The following ENTPD4 variants were observed in gnomAD, a reference collection of about 807,000 sequenced individuals.
ENTPD4 encodes the protein Golgi UDPase.
A neutral mutation model predicts 79.1 loss-of-function variants in ENTPD4; 60 were observed. That is an observed-to-expected ratio of 0.76 (90% CI 0.62 to 0.94). The LOEUF is 0.94. Among genes scored for constraint, ENTPD4 ranks in the 40% least tolerant of loss-of-function variants. ENTPD4 has a pLI of 0.00. For missense variants in ENTPD4, 772 were observed against 775.1 expected, an observed-to-expected ratio of 1.00 and a Z score of 0.05; for synonymous variants, 276 against 292.0, an observed-to-expected ratio of 0.95 and a Z score of 0.56.
intron 1 of ENTPD4, among the ~76,000 whole-genome samples, chr8:23,456,239 T>C (rs1331875497): frequency 1.3e-5 from 2 of 152,180 alleles, no homozygotes; most frequent in African/African-American, 4.8e-5. Flanking sequence ...GTCTCTCTCT[T>C]CTCTCCCACA....
intron 4 of ENTPD4, among the ~76,000 whole-genome samples, chr8:23,447,175 A>G (rs142052886): frequency 6.6e-6 from 1 of 152,378 alleles, no homozygotes; most frequent in African/African-American, 2.4e-5. Context: ...ACTGGCTTAG[A>G]AATTACAGTA....
At chr8:23,456,149 T>A (rs1800953647) in intron 1 of ENTPD4, among the ~76,000 whole-genome samples, 1 of 152,226 alleles carries the variant, frequency 6.6e-6, no homozygotes, top group African/African-American at 2.4e-5. Flanking sequence ...AAACCTTTTA[T>A]CCATCAACTG....
chr8:23,442,787 T>C lies in ENTPD4; in HGVS notation c.668-721A>G, dbSNP rs538398963. 4.6e-5 allele frequency among the ~76,000 whole-genome samples: 7 copies of C among 152,336 alleles called. No individual in the cohort carries two copies. In the East Asian group the frequency reaches 7.7e-4, roughly 17 times the overall value. ...TCACATTCCCTACACCTGGGTTTCATTGTCACCTTGGGTAGTCCATCTAAT... is the reference window on the plus strand; with the variant it reads ...TCACATTCCCTACACCTGGGTTTCACTGTCACCTTGGGTAGTCCATCTAAT... On this transcript the variant is annotated intron_variant, in intron 6 of 12. Transcript: ENST00000358689.
intron 1 of ENTPD4, among the ~76,000 whole-genome samples, 156 bp from the exon 2 acceptor site, chr8:23,450,153 G>A (rs1800834214): frequency 6.6e-6 from 1 of 152,220 alleles, no homozygotes; most frequent in Non-Finnish European, 1.5e-5. Context: ...ACACTTCTAA[G>A]TTAATTTCAT....
intron 1 of ENTPD4, among the ~76,000 whole-genome samples, chr8:23,452,466 G>A (rs1800882528): frequency 6.6e-6 from 1 of 152,110 alleles, no homozygotes; most frequent in Non-Finnish European, 1.5e-5. Flanking sequence ...TGTCCAATGA[G>A]GCAGCCACTT....
Position 23,434,750 on chromosome 8 carries a change from T to C in ENTPD4, c.1461-272A>G, listed in dbSNP as rs547549332. The stretch of plus-strand genomic sequence containing the variant: ...CATATATCCCTGAGATAGGTTTCTT[T>C]TCCAGCTGGCATTTCACCATGTACT... On this transcript the variant is annotated intron_variant, in intron 11 of 12. Coordinates refer to ENST00000358689, the MANE Select transcript of ENTPD4 (RefSeq NM_004901.5). 1.3e-4 allele frequency: 169 copies of C among 1,254,784 alleles called. 1 individual carries two copies. In the Middle Eastern group the frequency reaches 1.9e-3, roughly 14 times the overall value. 77.7% of individuals were successfully genotyped at this position (1,254,784 alleles called of 1,614,324 possible). A position where few individuals can be genotyped will look rare whatever the true frequency, so the allele number is the denominator to read the frequency against.
Position 23,441,715 on chromosome 8 carries a change from C to T in ENTPD4, c.736G>A (p.Ala246Thr). ...RFEHIEDDDE[A>T]VVEVNIPGSE... ...CCAGGAATGTTAACTTCCACAACGG[C>T]CTCATCATCTAGAAAGAACAGAAAG... Residue 246 changes from alanine to threonine, a missense_variant, in exon 8 of 13, where the codon GCC becomes ACC. Transcript: ENST00000358689. The T allele has an allele frequency of 6.2e-7, 1 of 1,613,954 alleles. No homozygotes were observed. The highest frequency in any genetic ancestry group is 1.1e-5 in the South Asian group (1 of 91,072).
Position 23,442,004 on chromosome 8 carries a change from T to TAA in ENTPD4, c.727+2_727+3insTT, listed in dbSNP as rs773225351. On this transcript the variant is annotated splice_region_variant and intron_variant, in intron 7 of 12. Coordinates refer to ENST00000358689, the MANE Select transcript of ENTPD4 (RefSeq NM_004901.5). ...ATACATTTGTTGGAACCATGACACT[T>TAA]ACCATCTTCAATATGCTCAAATCGT... 3.7e-6 allele frequency: 6 copies of TAA among 1,611,496 alleles called. No homozygotes were observed. Among genetic ancestry groups the TAA allele is most frequent in the Non-Finnish European group, 2.5e-6 (3 of 1,177,708 alleles).
chr8:23,441,590 TAC>T lies in ENTPD4; in HGVS notation c.859_860del (p.Val287LysfsTer12). On this transcript the variant is annotated frameshift_variant, in exon 8 of 13. Coordinates refer to ENST00000358689, the MANE Select transcript of ENTPD4 (RefSeq NM_004901.5). LOFTEE classifies it high-confidence loss of function. ...TGACCTGCTGTGAGGACGCAAAGCTTACAGTTTTGGGGACTTCGTACGCTATC... is the reference window on the plus strand; with the variant it reads ...TGACCTGCTGTGAGGACGCAAAGCTTAGTTTTGGGGACTTCGTACGCTATC... ...TQIAYEVPKT[V>X]SFASSQQEEV... The T allele has an allele frequency of 6.2e-7, 1 of 1,614,164 alleles. No homozygotes were observed.
intron 12 of ENTPD4, 41 bp downstream of exon 12, chr8:23,434,276 A>G (rs1337467227): frequency 1.2e-6 from 2 of 1,606,066 alleles, no homozygotes; most frequent in Admixed American, 1.7e-5. Flanking sequence ...AACTGCAGAA[A>G]AGCATCTTTT....
At position 23,429,197 on chromosome 8, in the gene ENTPD4, T is replaced by C. The variant is rs1254661956; in HGVS notation, c.*3729A>G. The C allele has an allele frequency of 1.0e-6, 1 of 985,446 alleles. No homozygotes were observed. The highest frequency in any genetic ancestry group is 1.2e-6 in the Non-Finnish European group (1 of 829,914). The allele number at this position is 985,446 out of a possible 1,614,324, so 61.0% of individuals were successfully genotyped here. On this transcript the variant is annotated 3_prime_UTR_variant, in exon 13 of 13. Coordinates refer to ENST00000358689, the MANE Select transcript of ENTPD4 (RefSeq NM_004901.5). ...AACTTTCGTTTTATTGATTTTTCAG[T>C]ACCCAAGTGTGGCACTGTAAGGCTG...
chr8:23,449,517 G>T lies in ENTPD4; in HGVS notation c.8+376C>A, dbSNP rs557016871. 2.3e-4 allele frequency among the ~76,000 whole-genome samples: 35 copies of T among 152,216 alleles called. 1 individual carries two copies. The South Asian group carries it at 7.1e-3, about 31-fold the overall frequency. ...ATTTTAACAACATCCCCATAACAAA[G>T]TCAATAAATGAGTTTTCTATGTCCT... On this transcript the variant is annotated intron_variant, in intron 2 of 12. Transcript: ENST00000358689.
chr8:23,441,587 G>A lies in ENTPD4; in HGVS notation c.864C>T (p.Ser288=), dbSNP rs2117288404. 1 of 1,614,136 alleles carries A rather than the reference G, an allele frequency of 6.2e-7. No individual in the cohort carries two copies. The highest frequency in any genetic ancestry group is 2.2e-5 in the East Asian group (1 of 44,868). Residue 288 remains serine, a synonymous_variant, in exon 8 of 13, where the codon AGC becomes AGT. Coordinates refer to ENST00000358689, the MANE Select transcript of ENTPD4 (RefSeq NM_004901.5). Reference sequence around the variant, plus strand: ...TAATGACCTGCTGTGAGGACGCAAAGCTTACAGTTTTGGGGACTTCGTACG... The same window carrying A: ...TAATGACCTGCTGTGAGGACGCAAAACTTACAGTTTTGGGGACTTCGTACG... ...QIAYEVPKTV[S]FASSQQEEVA...
At chr8:23,454,046 T>C (rs1324440712) in intron 1 of ENTPD4, among the ~76,000 whole-genome samples, 1 of 152,196 alleles carries the variant, frequency 6.6e-6, no homozygotes, top group Middle Eastern at 3.2e-3. Flanking sequence ...TAACAGTGCT[T>C]AGTTATTTCT....
At chr8:23,444,387 G>C in intron 5 of ENTPD4, 69 bp downstream of exon 5, 2 of 1,319,500 alleles carry the variant, frequency 1.5e-6, no homozygotes, top group South Asian at 2.5e-5. Flanking sequence ...GAAGGAGGAA[G>C]GGGGAGAAGA....
Position 23,430,338 on chromosome 8 carries a change from C to T in ENTPD4, c.*2588G>A, listed in dbSNP as rs1337418321. 1.6e-5 allele frequency: 16 copies of T among 985,270 alleles called. No homozygotes were observed. The highest frequency in any genetic ancestry group is 6.1e-5 in the Admixed American group (1 of 16,262). 61.0% of individuals were successfully genotyped at this position (985,270 alleles called of 1,614,324 possible). A position where few individuals can be genotyped will look rare whatever the true frequency, so the allele number is the denominator to read the frequency against. On this transcript the variant is annotated 3_prime_UTR_variant, in exon 13 of 13. Transcript: ENST00000358689. ...AAACTCATCTTGAAAATAATCTAGA[C>T]GGAAAAATCCGAAGTGAAATTCTGG...
At chr8:23,454,847 A>T (rs1259538081) in intron 1 of ENTPD4, among the ~76,000 whole-genome samples, 1 of 152,242 alleles carries the variant, frequency 6.6e-6, no homozygotes, top group Non-Finnish European at 1.5e-5. Context: ...AACTCAGGAC[A>T]AAAGTACAAT....
At chr8:23,451,718 C>T (rs527562719) in intron 1 of ENTPD4, among the ~76,000 whole-genome samples, 1 of 152,322 alleles carries the variant, frequency 6.6e-6, no homozygotes, top group East Asian at 1.9e-4. Flanking sequence ...AAATGCCAGG[C>T]ACTCTCTGGT....
chr8:23,434,157 GA>G, intron 12 of ENTPD4, 159 bp downstream of exon 12: 1 of 846,132 alleles, frequency 1.2e-6, no homozygotes, highest in East Asian at 2.5e-5. Context: ...CACTTGTGGG[GA>G]GGGGGCAAGA....
Sources: gnomAD v4.1 joint callset for allele counts (sites outside exome capture counted in the v4.1 genomes callset) on GRCh38, gnomAD v4.1.1 for gene constraint, MANE v1.5 for transcripts, NCBI Gene and HGNC (gene_info 2026-07-23, HGNC 2026-07-21) for gene names.